CSMD1: variants seen among roughly 807,000 people sequenced by gnomAD.
CSMD1 encodes the protein CUB and sushi domain-containing protein 1.
A neutral mutation model predicts 417.5 loss-of-function variants in CSMD1; 213 were observed. The ratio of observed to expected loss-of-function variants is 0.51; its 90% CI spans 0.46 to 0.57. CSMD1 has a LOEUF of 0.57. Among genes scored for constraint, CSMD1 ranks in the 20% least tolerant of loss-of-function variants. CSMD1 has a pLI of 0.00. For missense variants in CSMD1, 6,923 were observed against 4,529.7 expected, an observed-to-expected ratio of 1.53 and a Z score of -15.17; for synonymous variants, 2,862 against 1,736.8, an observed-to-expected ratio of 1.65 and a Z score of -16.11.
chr8:4,861,645 T>C (rs756521603), intron 1 of CSMD1, among the ~76,000 whole-genome samples: 16 of 152,100 alleles, frequency 1.1e-4, no homozygotes, highest in African/African-American at 3.9e-4. Context: ...ATATATGCAT[T>C]TAAAACTTTG....
At chr8:3,246,891 C>T (rs982193054) in intron 26 of CSMD1, among the ~76,000 whole-genome samples, 9 of 152,170 alleles carry the variant, frequency 5.9e-5, no homozygotes, top group African/African-American at 2.2e-4. Flanking sequence ...AATTAGAGTT[C>T]CAATTCTTTC....
chr8:2,960,835 A>G (rs1803392003), intron 62 of CSMD1, among the ~76,000 whole-genome samples: 1 of 151,698 alleles, frequency 6.6e-6, no homozygotes, highest in Admixed American at 6.6e-5. Context: ...TTTAACAGAC[A>G]AATAATAGAA....
Position 3,972,295 on chromosome 8 carries a change from C to G in CSMD1, c.818+25608G>C, listed in dbSNP as rs566936021. Among the ~76,000 whole-genome samples, 3 of 152,160 alleles carry G rather than the reference C, an allele frequency of 2.0e-5. No individual in the cohort carries two copies. The South Asian group carries it at 6.2e-4, about 32-fold the overall frequency. ...TTATAAGTACTAGATACATAAGGTA[C>G]CAACACAATGTTAGAAATCCAGTTT... On this transcript the variant is annotated intron_variant, in intron 5 of 69. Transcript: ENST00000635120.
At chr8:4,717,587 C>T (rs1374126986) in intron 1 of CSMD1, among the ~76,000 whole-genome samples, 1 of 143,202 alleles carries the variant, frequency 7.0e-6, no homozygotes, top group Non-Finnish European at 1.5e-5. Flanking sequence ...TCCATCCATA[C>T]ATCCATCCAT....
chr8:3,781,475 A>G (rs1424186238), intron 5 of CSMD1, among the ~76,000 whole-genome samples: 1 of 148,964 alleles, frequency 6.7e-6, no homozygotes, highest in Non-Finnish European at 1.5e-5. Flanking sequence ...GGAGCTGCTG[A>G]TAGTTGCACC....
chr8:4,355,581 G>A (rs1359263930), intron 3 of CSMD1, among the ~76,000 whole-genome samples: 2 of 152,166 alleles, frequency 1.3e-5, no homozygotes, highest in Non-Finnish European at 2.9e-5. Context: ...AACTTGGTGA[G>A]GGACCAGAGT....
chr8:4,527,894 G>C (rs137906259), intron 2 of CSMD1, among the ~76,000 whole-genome samples: 1 of 152,192 alleles, frequency 6.6e-6, no homozygotes, highest in Non-Finnish European at 1.5e-5. Flanking sequence ...AACAGGGGAA[G>C]ATAAGGCAAC....
intron 3 of CSMD1, among the ~76,000 whole-genome samples, chr8:4,378,037 A>T (rs554488675): frequency 1.1e-4 from 17 of 152,344 alleles, no homozygotes; most frequent in South Asian, 1.0e-3. Flanking sequence ...TCTAATATAC[A>T]GGTAAGTGTA....
At chr8:3,860,194 A>C (rs1053539493) in intron 5 of CSMD1, among the ~76,000 whole-genome samples, 3 of 152,132 alleles carry the variant, frequency 2.0e-5, no homozygotes, top group Admixed American at 6.6e-5. Flanking sequence ...TGAGTGATTC[A>C]TATGAAAGTA....
intron 5 of CSMD1, among the ~76,000 whole-genome samples, chr8:3,779,828 G>T (rs377163453): frequency 6.6e-6 from 1 of 152,130 alleles, no homozygotes; most frequent in African/African-American, 2.4e-5. Context: ...ATTTAATAGG[G>T]ACAGGAAAAA....
At chr8:4,961,547 G>T (rs982625859) in intron 1 of CSMD1, among the ~76,000 whole-genome samples, 1 of 152,144 alleles carries the variant, frequency 6.6e-6, no homozygotes, top group Middle Eastern at 3.4e-3. Context: ...GTTCCTCTTA[G>T]AATTTTGAAG....
intron 3 of CSMD1, among the ~76,000 whole-genome samples, chr8:4,196,166 G>A (rs992302274): frequency 4.6e-5 from 7 of 152,102 alleles, no homozygotes; most frequent in Admixed American, 2.0e-4. Context: ...AGCCGAGATC[G>A]CGCCACTGCA....
chr8:3,467,054 G>A (rs1384330886), intron 12 of CSMD1, among the ~76,000 whole-genome samples: 1 of 152,166 alleles, frequency 6.6e-6, no homozygotes. Context: ...GACATCTCAT[G>A]AAAAGCCATC....
chr8:4,758,903 T>G (rs1021749888), intron 1 of CSMD1, among the ~76,000 whole-genome samples: 27 of 152,120 alleles, frequency 1.8e-4, no homozygotes, highest in Non-Finnish European at 1.5e-5. Context: ...CTTAACCACA[T>G]CATTCAGTGG....
At chr8:4,588,641 C>T (rs1309559124) in intron 2 of CSMD1, among the ~76,000 whole-genome samples, 2 of 151,866 alleles carry the variant, frequency 1.3e-5, no homozygotes, top group Admixed American at 6.6e-5. Flanking sequence ...AAAAATTAGC[C>T]GGGCGTGGTG....
At chr8:4,210,687 CT>C (rs1247131000) in intron 3 of CSMD1, among the ~76,000 whole-genome samples, 1 of 152,148 alleles carries the variant, frequency 6.6e-6, no homozygotes, top group Non-Finnish European at 1.5e-5. Flanking sequence ...CAATTTTCCA[CT>C]TCATTTTGCT....
At chr8:3,800,895 A>G (rs1800418130) in intron 5 of CSMD1, among the ~76,000 whole-genome samples, 1 of 152,174 alleles carries the variant, frequency 6.6e-6, no homozygotes, top group Non-Finnish European at 1.5e-5. Context: ...ATGGCCCCCA[A>G]CAACCATGAG....
chr8:4,915,421 T>C (rs527930579), intron 1 of CSMD1, among the ~76,000 whole-genome samples: 2 of 152,318 alleles, frequency 1.3e-5, no homozygotes, highest in East Asian at 1.9e-4. Flanking sequence ...TTACACTGTG[T>C]TGTCGAGTAT....
At chr8:3,670,973 G>A (rs1283592783) in intron 7 of CSMD1, among the ~76,000 whole-genome samples, 3 of 115,540 alleles carry the variant, frequency 2.6e-5, no homozygotes, top group African/African-American at 9.8e-5. Flanking sequence ...TATGTATATG[G>A]GATATATATG....
Sources: gnomAD v4.1 joint callset for allele counts (sites outside exome capture counted in the v4.1 genomes callset) on GRCh38, gnomAD v4.1.1 for gene constraint, MANE v1.5 for transcripts, NCBI Gene and HGNC (gene_info 2026-07-23, HGNC 2026-07-21) for gene names.